DZANK1: variants seen among roughly 807,000 people sequenced by gnomAD.
DZANK1 encodes the protein double zinc ribbon and ankyrin repeat-containing protein 1.
Under a neutral mutation model 94.5 loss-of-function variants are expected in DZANK1, and 91 were observed. The observed-to-expected ratio is 0.96, with a 90% CI of 0.81 to 1.15. The LOEUF (loss-of-function observed/expected upper bound fraction) is 1.15, where lower values mean the gene tolerates loss of function less well. Among genes scored for constraint, DZANK1 ranks in the 50% most tolerant of loss-of-function variants. The probability of loss-of-function intolerance (pLI) is 0.00; values close to 1 mark genes in which losing one functional copy is unlikely to be tolerated. For missense variants in DZANK1, 903 were observed against 916.4 expected (o/e 0.99, Z 0.19); for synonymous variants, 312 against 325.3 (o/e 0.96, Z 0.44).
intron 7 of DZANK1, among the ~76,000 whole-genome samples, chr20:18,446,086 A>G (rs1306068413): frequency 6.6e-6 from 1 of 151,776 alleles, no homozygotes; most frequent in East Asian, 1.9e-4. Flanking sequence ...AAAGAAAAAA[A>G]GTTTTTTAAT....
intron 6 of DZANK1, among the ~76,000 whole-genome samples, chr20:18,449,753 C>A (rs1279592758): frequency 1.7e-5 from 1 of 60,420 alleles, no homozygotes; most frequent in Non-Finnish European, 3.9e-5. Context: ...GAGACTCTGT[C>A]TCAAAAAAAA....
At chr20:18,457,150 G>A (rs1193355066) in intron 3 of DZANK1, among the ~76,000 whole-genome samples, 1 of 152,128 alleles carries the variant, frequency 6.6e-6, no homozygotes, top group Non-Finnish European at 1.5e-5. Context: ...CAAGATATAG[G>A]CTTGGTCGTT....
chr20:18,426,604 G>A (rs563765845), intron 10 of DZANK1, among the ~76,000 whole-genome samples: 22 of 152,252 alleles, frequency 1.4e-4, no homozygotes, highest in Admixed American at 9.8e-4. Flanking sequence ...GCATATACTC[G>A]TATTTCTTCC....
chr20:18,423,879 AAAAAG>A (rs1473613524), intron 10 of DZANK1, among the ~76,000 whole-genome samples: 1 of 151,772 alleles, frequency 6.6e-6, no homozygotes, highest in Non-Finnish European at 1.5e-5. Flanking sequence ...TAAAAATTAG[AAAAAG>A]AAAATCAGAT....
intron 10 of DZANK1, 71 bp downstream of exon 10, chr20:18,426,996 T>C (rs147721523): frequency 3.4e-6 from 4 of 1,173,576 alleles, no homozygotes; most frequent in South Asian, 1.8e-5. Flanking sequence ...CGGCAGATTC[T>C]GTTTCTCTAT....
intron 17 of DZANK1, among the ~76,000 whole-genome samples, chr20:18,392,139 C>T (rs559707588): frequency 3.9e-5 from 6 of 152,282 alleles, no homozygotes; most frequent in Non-Finnish European, 8.8e-5. Context: ...AAAAAAAAGC[C>T]ATATACAGTG....
chr20:18,463,465 G>A (rs1452062764), intron 2 of DZANK1, among the ~76,000 whole-genome samples: 1 of 151,690 alleles, frequency 6.6e-6, no homozygotes, highest in Non-Finnish European at 1.5e-5. Context: ...TAGGAAACCT[G>A]CACATGTACC....
chr20:18,435,828 A>G (rs1400523350), intron 8 of DZANK1, among the ~76,000 whole-genome samples: 1 of 152,052 alleles, frequency 6.6e-6, no homozygotes, highest in Non-Finnish European at 1.5e-5. Flanking sequence ...TACTTCTCTA[A>G]TTAAGAAAAA....
At chr20:18,433,993 C>T in intron 8 of DZANK1, 1 of 485,884 alleles carries the variant, frequency 2.1e-6, no homozygotes, top group South Asian at 3.1e-5. Flanking sequence ...GATGGATATG[C>T]TAATTACTCT....
chr20:18,384,707 A>T lies in DZANK1; in HGVS notation c.2094-143T>A, dbSNP rs1469402000. 4 of 882,926 alleles carry T rather than the reference A, an allele frequency of 4.5e-6. No homozygotes were observed. The African/African-American group carries it at 6.8e-5, about 15-fold the overall frequency. 54.7% of individuals were successfully genotyped at this position (882,926 alleles called of 1,614,324 possible). On this transcript the variant is annotated intron_variant, in intron 20 of 20. Transcript: ENST00000262547. ...AACCTCTCCCCAAGAGGTCACAGTG[A>T]CTTCAGTTCTCAGAGGTGGCTCTAC...
intron 7 of DZANK1, among the ~76,000 whole-genome samples, chr20:18,444,944 G>A (rs1477967924): frequency 6.6e-6 from 1 of 151,954 alleles, no homozygotes; most frequent in African/African-American, 2.4e-5. Flanking sequence ...GGGACTACAG[G>A]TGCCTGCCAC....
At chr20:18,438,782 G>A (rs2058625641) in intron 8 of DZANK1, among the ~76,000 whole-genome samples, 1 of 152,230 alleles carries the variant, frequency 6.6e-6, no homozygotes, top group African/African-American at 2.4e-5. Flanking sequence ...AGCGAATTCA[G>A]TATCAGGTGA....
chr20:18,438,318 G>T (rs950012590), intron 8 of DZANK1, among the ~76,000 whole-genome samples: 1 of 151,544 alleles, frequency 6.6e-6, no homozygotes, highest in African/African-American at 2.4e-5. Context: ...TAGCAAAATG[G>T]CATATGTAAA....
chr20:18,389,835 C>A lies in DZANK1; in HGVS notation c.1891-7G>T. The stretch of plus-strand genomic sequence containing the variant: ...AGCAGTTGGGGTCTGCTCCCTGCAG[C>A]AAACGGAAAAGGACAAACTCTCCAA... On this transcript the variant is annotated splice_polypyrimidine_tract_variant and splice_region_variant and intron_variant, in intron 18 of 20. Transcript: ENST00000262547. The A allele has an allele frequency of 6.2e-7, 1 of 1,613,758 alleles. No individual in the cohort carries two copies. Among genetic ancestry groups the A allele is most frequent in the South Asian group, 1.1e-5 (1 of 91,052 alleles).
chr20:18,466,648 G>T (rs923270188), intron 1 of DZANK1, among the ~76,000 whole-genome samples: 1 of 152,214 alleles, frequency 6.6e-6, no homozygotes, highest in Non-Finnish European at 1.5e-5. Flanking sequence ...ATTCGCGAGC[G>T]TCAACTAGCA....
At chr20:18,430,460 T>A (rs1029713380) in intron 9 of DZANK1, among the ~76,000 whole-genome samples, 3 of 152,220 alleles carry the variant, frequency 2.0e-5, no homozygotes, top group South Asian at 4.1e-4. Context: ...TCTTGATAAA[T>A]GTTTTTAGTT....
intron 15 of DZANK1, chr20:18,394,707 C>T (rs771856536): frequency 2.0e-6 from 1 of 504,142 alleles, no homozygotes; most frequent in Non-Finnish European, 3.9e-6. Context: ...TGTGTCATTT[C>T]TCTGCTTAAA....
chr20:18,456,587 C>T (rs2424203), intron 3 of DZANK1, among the ~76,000 whole-genome samples: 75,357 of 152,026 alleles, frequency 0.5, 19,072 homozygotes, highest in East Asian at 0.58. Context: ...TCCTATCCAA[C>T]CTCCTAGGCA....
chr20:18,451,785 C>T (rs1601131432), intron 6 of DZANK1: 3 of 471,884 alleles, frequency 6.4e-6, no homozygotes, highest in Non-Finnish European at 8.3e-6. Context: ...CCGTCGGATC[C>T]CTCAGCAAAG....
Sources: allele counts gnomAD v4.1 joint callset (sites outside exome capture counted in the v4.1 genomes callset), GRCh38; gene constraint gnomAD v4.1.1; transcripts MANE v1.5; gene names NCBI Gene and HGNC (gene_info 2026-07-23, HGNC 2026-07-21).